Variants in NXPH1 observed in about 807,000 individuals in gnomAD.
NXPH1 encodes neurexophilin-1.
NXPH1 carries 5 observed loss-of-function variants against 23.7 expected under a neutral mutation model. The observed-to-expected ratio is 0.21, with a 90% confidence interval of 0.11 to 0.44. The LOEUF (loss-of-function observed/expected upper bound fraction) is 0.44. Ranked by LOEUF, NXPH1 falls within the 20% of genes least tolerant of loss-of-function variation. The pLI, the probability that NXPH1 is intolerant of heterozygous loss-of-function variation, is 0.99. For synonymous variants in NXPH1, 144 were observed against 122.2 expected (o/e 1.18, Z -1.18); for missense variants, 324 against 321.6 (o/e 1.01, Z -0.06).
chr7:8,476,384 T>G (rs1816971755), intron 2 of NXPH1, among the ~76,000 whole-genome samples: 1 of 152,120 alleles, frequency 6.6e-6, no homozygotes, highest in Non-Finnish European at 1.5e-5. Flanking sequence ...TGTATCTTCA[T>G]GTCCCCAGCA....
At chr7:8,696,680 G>T (rs928874118) in intron 2 of NXPH1, among the ~76,000 whole-genome samples, 6 of 151,922 alleles carry the variant, frequency 3.9e-5, no homozygotes, top group African/African-American at 1.5e-4. Flanking sequence ...CAGAAAGAAG[G>T]CAAGTTGTAT....
intron 2 of NXPH1, among the ~76,000 whole-genome samples, chr7:8,685,002 C>A (rs546315871): frequency 8.5e-5 from 13 of 152,054 alleles, no homozygotes; most frequent in Non-Finnish European, 1.9e-4. Context: ...TGGCTCTGAG[C>A]GGAATTAGAA....
At chr7:8,743,689 C>CTTT (rs5882188) in intron 2 of NXPH1, among the ~76,000 whole-genome samples, 1 of 141,676 alleles carries the variant, frequency 7.1e-6, no homozygotes, top group Non-Finnish European at 1.5e-5. Flanking sequence ...TTTTTCTTTT[C>CTTT]TTTTTTTTTT....
intron 2 of NXPH1, among the ~76,000 whole-genome samples, chr7:8,651,641 C>G (rs1054531239): frequency 1.3e-5 from 2 of 152,094 alleles, no homozygotes; most frequent in Non-Finnish European, 2.9e-5. Context: ...TTCTCTGTAC[C>G]TTTCGGATTT....
At chr7:8,476,496 G>A (rs1057290800) in intron 2 of NXPH1, among the ~76,000 whole-genome samples, 5 of 150,618 alleles carry the variant, frequency 3.3e-5, no homozygotes, top group Admixed American at 2.6e-4. Flanking sequence ...TCAAACCTTA[G>A]CTTGTTTTTC....
At chr7:8,509,338 A>T (rs1046543078) in intron 2 of NXPH1, among the ~76,000 whole-genome samples, 1 of 152,140 alleles carries the variant, frequency 6.6e-6, no homozygotes, top group Non-Finnish European at 1.5e-5. Flanking sequence ...AATAAATATG[A>T]TGTGGTGGCT....
At chr7:8,706,384 T>C (rs955816537) in intron 2 of NXPH1, among the ~76,000 whole-genome samples, 1 of 152,324 alleles carries the variant, frequency 6.6e-6, no homozygotes, top group African/African-American at 2.4e-5. Context: ...ATAATCCTTC[T>C]GCATTACCTC....
intron 2 of NXPH1, among the ~76,000 whole-genome samples, chr7:8,540,255 T>A (rs1478558961): frequency 6.6e-6 from 1 of 151,828 alleles, no homozygotes; most frequent in African/African-American, 2.4e-5. Flanking sequence ...TGATGGTTCT[T>A]ATCAGAATCT....
rs986471863 is a variant in NXPH1, at chr7:8,498,267, C to T, written c.54+62500C>T. 1.1e-4 allele frequency among the ~76,000 whole-genome samples: 17 copies of T among 151,966 alleles called. 1 individual carries two copies. The highest frequency in any genetic ancestry group is 6.2e-4 in the South Asian group (3 of 4,826). On this transcript the variant is annotated intron_variant, in intron 2 of 2. Transcript: ENST00000405863. ...ATCATACCTGTCAACCAGTTTCCAC[C>T]GCTAACCAATTAAGTATCAGGCAGA...
intron 2 of NXPH1, among the ~76,000 whole-genome samples, chr7:8,611,504 A>G (rs954283415): frequency 1.3e-5 from 2 of 152,150 alleles, no homozygotes; most frequent in African/African-American, 4.8e-5. Context: ...GTTGATCACT[A>G]TCAGTAGCAA....
intron 2 of NXPH1, among the ~76,000 whole-genome samples, chr7:8,509,330 T>C (rs895321793): frequency 3.7e-4 from 56 of 152,278 alleles, no homozygotes; most frequent in African/African-American, 1.3e-3. Flanking sequence ...TCCACATTAA[T>C]AAATATGATG....
At chr7:8,730,532 C>A (rs543805405) in intron 2 of NXPH1, among the ~76,000 whole-genome samples, 4 of 151,612 alleles carry the variant, frequency 2.6e-5, no homozygotes, top group Non-Finnish European at 5.9e-5. Flanking sequence ...TTAGGGCAGG[C>A]CTGGTGGTGA....
At chr7:8,721,840 C>T (rs1322424106) in intron 2 of NXPH1, among the ~76,000 whole-genome samples, 1 of 152,198 alleles carries the variant, frequency 6.6e-6, no homozygotes, top group African/African-American at 2.4e-5. Flanking sequence ...AATCTCATAC[C>T]TTCCTTTAAC....
intron 2 of NXPH1, among the ~76,000 whole-genome samples, chr7:8,549,121 G>A (rs1348392647): frequency 2.6e-5 from 4 of 151,264 alleles, no homozygotes; most frequent in Non-Finnish European, 5.9e-5. Flanking sequence ...CTTTCTCTTC[G>A]GAAACAAGTT....
At chr7:8,457,223 A>G (rs1022283703) in intron 2 of NXPH1, among the ~76,000 whole-genome samples, 4 of 152,130 alleles carry the variant, frequency 2.6e-5, no homozygotes, top group African/African-American at 7.2e-5. Flanking sequence ...CTGTGCAACC[A>G]TTTTACAACA....
At chr7:8,458,110 A>C (rs1816632190) in intron 2 of NXPH1, among the ~76,000 whole-genome samples, 1 of 152,272 alleles carries the variant, frequency 6.6e-6, no homozygotes, top group African/African-American at 2.4e-5. Flanking sequence ...GTGCTAGTGC[A>C]ATTGAGATTT....
intron 2 of NXPH1, among the ~76,000 whole-genome samples, chr7:8,638,863 T>TA (rs768609843): frequency 5.9e-5 from 9 of 152,270 alleles, no homozygotes; most frequent in Non-Finnish European, 8.8e-5. Flanking sequence ...ACATAGTGGT[T>TA]ACGATCTTTG....
chr7:8,572,477 A>AG (rs2128622326), intron 2 of NXPH1, among the ~76,000 whole-genome samples: 1 of 152,156 alleles, frequency 6.6e-6, no homozygotes, highest in South Asian at 2.1e-4. Flanking sequence ...CATACGTTTT[A>AG]GCACCTCATT....
chr7:8,691,357 C>G (rs906698193), intron 2 of NXPH1, among the ~76,000 whole-genome samples: 1 of 152,082 alleles, frequency 6.6e-6, no homozygotes, highest in Non-Finnish European at 1.5e-5. Context: ...TCAGGTTTGT[C>G]AGGCTGCTCT....
Sources: gnomAD v4.1 joint callset for allele counts (sites outside exome capture counted in the v4.1 genomes callset) on GRCh38, gnomAD v4.1.1 for gene constraint, MANE v1.5 for transcripts, NCBI Gene and HGNC (gene_info 2026-07-23, HGNC 2026-07-21) for gene names.